P4HA1: variants seen among roughly 807,000 people sequenced by gnomAD.
P4HA1 encodes the protein prolyl 4-hydroxylase subunit alpha 1, also known as prolyl 4-hydroxylase subunit alpha-1.
In P4HA1, 24 loss-of-function variants were observed where a neutral mutation model predicts 72.8. That is an observed-to-expected ratio of 0.33 (90% CI 0.24 to 0.46). P4HA1 has a LOEUF of 0.46. P4HA1 is among the 20% of genes least tolerant of loss of function. The pLI is 1.00. For missense variants in P4HA1, 446 were observed against 640.6 expected, an observed-to-expected ratio of 0.70 and a Z score of 3.28; for synonymous variants, 201 against 218.8, an observed-to-expected ratio of 0.92 and a Z score of 0.72.
chr10:73,066,007 T>C (rs1239457913), intron 5 of P4HA1, among the ~76,000 whole-genome samples: 1 of 152,006 alleles, frequency 6.6e-6, no homozygotes, highest in Non-Finnish European at 1.5e-5. Context: ...CACAATACAA[T>C]GGAAAATATA....
At chr10:73,072,384 T>C (rs1400900885) in intron 3 of P4HA1, among the ~76,000 whole-genome samples, 1 of 152,238 alleles carries the variant, frequency 6.6e-6, no homozygotes, top group Non-Finnish European at 1.5e-5. Context: ...GGACTTTTTG[T>C]TTTAATTTTG....
rs988343177 is a variant in P4HA1 at position 73,008,331 on chromosome 10, T to G, written c.1535-39A>C. 6.4e-6 allele frequency: 8 copies of G among 1,252,012 alleles called. No homozygotes were observed. The African/African-American group carries it at 1.2e-4, about 19-fold the overall frequency. The allele number at this position is 1,252,012 out of a possible 1,614,324, so 77.6% of individuals were successfully genotyped here. On this transcript the variant is annotated intron_variant, in intron 14 of 14. Transcript: ENST00000394890. Reference sequence around the variant, plus strand: ...GTAATATATTAATTTTCCCCCTTAATCTAATCAGTATTTAATTAGTTTCTA... The same window carrying G: ...GTAATATATTAATTTTCCCCCTTAAGCTAATCAGTATTTAATTAGTTTCTA...
intron 1 of P4HA1, among the ~76,000 whole-genome samples, chr10:73,085,549 A>T (rs1841909139): frequency 6.6e-6 from 1 of 151,902 alleles, no homozygotes; most frequent in South Asian, 2.1e-4. Context: ...ACGCCTGGCT[A>T]ATTTTGTATT....
At chr10:73,040,544 C>T (rs145170639) in intron 9 of P4HA1, among the ~76,000 whole-genome samples, 7,248 of 148,320 alleles carry the variant, frequency 0.049, 577 homozygotes, top group African/African-American at 0.17. Context: ...GGCATGATCT[C>T]GGCTCACTGC....
intron 9 of P4HA1, among the ~76,000 whole-genome samples, chr10:73,030,684 T>C (rs190845736): frequency 7.9e-5 from 12 of 152,264 alleles, no homozygotes; most frequent in Non-Finnish European, 1.6e-4. Context: ...AAAAATTCTT[T>C]AAAAAACCAT....
chr10:73,047,345 G>A (rs1840891018), intron 7 of P4HA1, among the ~76,000 whole-genome samples: 2 of 151,750 alleles, frequency 1.3e-5, no homozygotes, highest in African/African-American at 2.4e-5. Context: ...GAAAGGTAGT[G>A]TATCTCTTTT....
chr10:73,049,932 G>C (rs534596517), intron 7 of P4HA1, among the ~76,000 whole-genome samples: 4 of 152,288 alleles, frequency 2.6e-5, no homozygotes, highest in Admixed American at 1.3e-4. Flanking sequence ...AGGAGGCCGA[G>C]GCGGGAGGAT....
chr10:73,091,546 GA>G (rs2133170249), intron 1 of P4HA1, among the ~76,000 whole-genome samples: 1 of 152,338 alleles, frequency 6.6e-6, no homozygotes, highest in South Asian at 2.1e-4. Flanking sequence ...AACTGTAAGA[GA>G]AGTCTTGAGC....
intron 9 of P4HA1, among the ~76,000 whole-genome samples, chr10:73,035,617 T>G (rs1840551373): frequency 6.6e-6 from 1 of 152,226 alleles, no homozygotes; most frequent in South Asian, 2.1e-4. Flanking sequence ...TTTCTAATTT[T>G]TCTCTGTTAT....
intron 1 of P4HA1, among the ~76,000 whole-genome samples, chr10:73,085,204 G>C (rs186097307): frequency 4.6e-5 from 7 of 152,192 alleles, no homozygotes; most frequent in Non-Finnish European, 5.9e-5. Flanking sequence ...CTAGGCAATA[G>C]TTTCTTAGAT....
At chr10:73,092,528 A>T (rs916870910) in intron 1 of P4HA1, among the ~76,000 whole-genome samples, 34 of 145,716 alleles carry the variant, frequency 2.3e-4, no homozygotes, top group East Asian at 4.4e-4. Flanking sequence ...TTAAAAAAAA[A>T]TTTTTTTTGT....
At chr10:73,057,040 A>C (rs537603981) in intron 5 of P4HA1, among the ~76,000 whole-genome samples, 38 of 151,506 alleles carry the variant, frequency 2.5e-4, no homozygotes, top group African/African-American at 8.3e-4. Context: ...AGCCTGAGTG[A>C]CAGAGCAAGA....
At chr10:73,022,002 C>T (rs536646061) in intron 10 of P4HA1, among the ~76,000 whole-genome samples, 1 of 152,152 alleles carries the variant, frequency 6.6e-6, no homozygotes, top group Non-Finnish European at 1.5e-5. Context: ...TCAAACTGGG[C>T]GGAGCCCACC....
At chr10:73,054,192 C>T (rs1841081975) in intron 5 of P4HA1, among the ~76,000 whole-genome samples, 1 of 152,172 alleles carries the variant, frequency 6.6e-6, no homozygotes, top group South Asian at 2.1e-4. Flanking sequence ...AGGCATAAGC[C>T]ACCGCGCCCG....
chr10:73,033,982 C>T, intron 9 of P4HA1, among the ~76,000 whole-genome samples: 1 of 152,104 alleles, frequency 6.6e-6, no homozygotes, highest in East Asian at 1.9e-4. Flanking sequence ...CTTTGGGAAG[C>T]CAAGGCAGGA....
At chr10:73,070,092 G>C (rs1280764150) in intron 4 of P4HA1, among the ~76,000 whole-genome samples, 2 of 142,856 alleles carry the variant, frequency 1.4e-5, no homozygotes, top group Non-Finnish European at 3.0e-5. Flanking sequence ...TTACAGGCAT[G>C]AGCAACTGTG....
intron 10 of P4HA1, among the ~76,000 whole-genome samples, chr10:73,021,165 A>T (rs1482027976): frequency 6.6e-6 from 1 of 151,954 alleles, no homozygotes; most frequent in Non-Finnish European, 1.5e-5. Flanking sequence ...ACCCAAAAAT[A>T]ACAGACACTG....
chr10:73,021,148 C>A (rs1589577440), intron 10 of P4HA1, among the ~76,000 whole-genome samples: 3 of 151,626 alleles, frequency 2.0e-5, no homozygotes, highest in Admixed American at 6.6e-5. Context: ...AAAAAACAAA[C>A]AAAAAAACCC....
chr10:73,060,331 C>T (rs1381408483), intron 5 of P4HA1, among the ~76,000 whole-genome samples: 1 of 152,186 alleles, frequency 6.6e-6, no homozygotes, highest in African/African-American at 2.4e-5. Flanking sequence ...TATTTCCTGT[C>T]TCTGTTTATG....
Sources: gnomAD v4.1 joint callset for allele counts (sites outside exome capture counted in the v4.1 genomes callset) on GRCh38, gnomAD v4.1.1 for gene constraint, MANE v1.5 for transcripts, NCBI Gene and HGNC (gene_info 2026-07-23, HGNC 2026-07-21) for gene names.